Variants in CARS2 observed in about 807,000 individuals in gnomAD.
The protein encoded by CARS2 is probable cysteine--tRNA ligase, mitochondrial.
A neutral mutation model predicts 68.8 loss-of-function variants in CARS2; 52 were observed. The observed-to-expected ratio is 0.76, with a 90% CI of 0.61 to 0.95. The LOEUF (loss-of-function observed/expected upper bound fraction) is 0.95, where lower values mean the gene tolerates loss of function less well. Among genes scored for constraint, CARS2 ranks in the 40% least tolerant of loss-of-function variants. The probability of loss-of-function intolerance (pLI) is 0.00; values close to 1 mark genes in which losing one functional copy is unlikely to be tolerated. For synonymous variants in CARS2, 314 were observed against 303.6 expected (o/e 1.03, Z -0.36); for missense variants, 780 against 754.2 (o/e 1.03, Z -0.40).
intron 9 of CARS2, 133 bp downstream of exon 9, chr13:110,663,318 A>G: frequency 1.2e-6 from 1 of 833,844 alleles, no homozygotes. Context: ...GAGGTGAGGC[A>G]GGTCTCGTCA....
intron 7 of CARS2, among the ~76,000 whole-genome samples, chr13:110,672,146 GACAGA>G (rs2062819677): frequency 6.6e-6 from 1 of 152,144 alleles, no homozygotes; most frequent in Admixed American, 6.5e-5. Context: ...GTCAACATTA[GACAGA>G]TCAATGAGAC....
intron 6 of CARS2, among the ~76,000 whole-genome samples, chr13:110,679,650 C>CGGAGGGAGGGAGGGAGGGAG (rs571685789): frequency 4.6e-5 from 2 of 43,212 alleles, no homozygotes; most frequent in African/African-American, 9.7e-5. Flanking sequence ...CGGGCGTGAC[C>CGGAGGGAGGGAGGGAGGGAG]GGAGGGAGGG....
At chr13:110,704,107 T>C (rs996236868) in intron 2 of CARS2, among the ~76,000 whole-genome samples, 2 of 152,218 alleles carry the variant, frequency 1.3e-5, no homozygotes, top group Non-Finnish European at 2.9e-5. Flanking sequence ...AAATTTCTGT[T>C]GTTTATAAGT....
chr13:110,674,207 CTACTT>C (rs2062880111), intron 7 of CARS2, among the ~76,000 whole-genome samples: 1 of 152,142 alleles, frequency 6.6e-6, no homozygotes, highest in African/African-American at 2.4e-5. Flanking sequence ...TTGGAAAAAA[CTACTT>C]TAAAGTTCAT....
chr13:110,706,055 C>G lies in CARS2; in HGVS notation c.39G>C (p.Pro13=). The G allele has an allele frequency of 7.4e-7, 1 of 1,360,230 alleles. No homozygotes were observed. Among genetic ancestry groups the G allele is most frequent in the Non-Finnish European group, 9.5e-7 (1 of 1,058,120 alleles). 84.3% of individuals were successfully genotyped at this position (1,360,230 alleles called of 1,614,324 possible). A position where few individuals can be genotyped will look rare whatever the true frequency, so the allele number is the denominator to read the frequency against. The part of the protein sequence containing the change: ...RTTRGPGLGP[P]LLQAALGLGR... ...CAAGGCCCAGCGCGGCCTGGAGCAG[C>G]GGGGGGCCCAGGCCTGGGCCGCGCG... The change falls in exon 1 of 15, where the codon CCG becomes CCC. Residue 13 remains proline (P), a synonymous_variant. Transcript: ENST00000257347.
chr13:110,666,748 TTA>T (rs1276139033), intron 8 of CARS2: 13 of 985,422 alleles, frequency 1.3e-5, no homozygotes, highest in Non-Finnish European at 1.6e-5. Flanking sequence ...CAAACACTCT[TTA>T]TCTTTCTTCA....
intron 3 of CARS2, chr13:110,698,106 AGGAAGATGCAT>A (rs1322380740): frequency 2.6e-6 from 1 of 389,196 alleles, no homozygotes; most frequent in Admixed American, 3.5e-5. Context: ...ATTTCACAAA[AGGAAGATGCAT>A]GGGTGTGACG....
In CARS2 at chr13:110,642,332, G is replaced by T; in HGVS notation, c.1606C>A (p.His536Asn). 1 of 1,550,494 alleles carries T rather than the reference G, an allele frequency of 6.4e-7. No individual in the cohort carries two copies. The highest frequency in any genetic ancestry group is 8.7e-7 in the Non-Finnish European group (1 of 1,146,726). The change falls in exon 14 of 15, where the codon CAC becomes AAC. Residue 536 changes from histidine to asparagine, a missense_variant. Physicochemically the swap from His to Asn is moderately conservative, Grantham distance 68 (BLOSUM62 1). Transcript: ENST00000257347. ...GCACTCACCTTGATGTTGATGCCGT[G>T]GGCAGTCAGGCCCCGGCGCAGGGTG... is the stretch of plus-strand genomic sequence containing the variant. ...CDTLRRGLTA[H>N]GINIKDRSST...
upstream of CARS2, among the ~76,000 whole-genome samples, chr13:110,710,027 GT>G (rs1383788522): frequency 6.6e-6 from 1 of 152,146 alleles, no homozygotes; most frequent in African/African-American, 2.4e-5. Context: ...TGGTTTAGGG[GT>G]TTTCAAGTTT....
At chr13:110,644,230 A>G (rs1887788054) in intron 13 of CARS2, 155 bp downstream of exon 13, 3 of 1,422,544 alleles carry the variant, frequency 2.1e-6, no homozygotes, top group South Asian at 1.2e-5. Context: ...ATTGGCTCTG[A>G]GTGTGTTTAT....
intron 10 of CARS2, among the ~76,000 whole-genome samples, chr13:110,647,571 A>G (rs1334429055): frequency 6.6e-6 from 1 of 151,846 alleles, no homozygotes; most frequent in African/African-American, 2.4e-5. Flanking sequence ...CCCGCCCTGG[A>G]TGGATGGAGG....
Position 110,663,561 on chromosome 13 carries a change from G to A in CARS2, c.920-43C>T, listed in dbSNP as rs758456372. 3 of 1,606,562 alleles carry A rather than the reference G, an allele frequency of 1.9e-6. No individual in the cohort carries two copies. In the South Asian group the frequency reaches 3.3e-5, roughly 18 times the overall value. ...GCATTCAGTCTGAGCTGGGTGAGGA[G>A]ACTCTCTGGCCTCAGGGACACATGG... is the stretch of plus-strand genomic sequence containing the variant. On this transcript the variant is annotated intron_variant, in intron 8 of 14. Coordinates refer to ENST00000257347, the MANE Select transcript of CARS2 (RefSeq NM_024537.4).
chr13:110,649,894 C>T (rs2062153959), intron 10 of CARS2, among the ~76,000 whole-genome samples: 1 of 151,380 alleles, frequency 6.6e-6, no homozygotes, highest in Non-Finnish European at 1.5e-5. Context: ...TGTCCCCAGC[C>T]CTCACTTGCC....
chr13:110,698,424 G>T (rs2063686398), intron 3 of CARS2, among the ~76,000 whole-genome samples: 1 of 151,890 alleles, frequency 6.6e-6, no homozygotes, highest in African/African-American at 2.4e-5. Context: ...GGAGGCTGAG[G>T]CAGGAGAATC....
upstream of CARS2, among the ~76,000 whole-genome samples, chr13:110,709,413 G>A (rs1305000788): frequency 2.6e-5 from 4 of 152,066 alleles, no homozygotes; most frequent in Non-Finnish European, 5.9e-5. Context: ...GTTTTCTTAA[G>A]GCTTTTGCGG....
intron 3 of CARS2, among the ~76,000 whole-genome samples, chr13:110,693,596 T>C (rs1415524483): frequency 1.3e-5 from 2 of 152,136 alleles, no homozygotes; most frequent in African/African-American, 2.4e-5. Flanking sequence ...CCTGACCTCG[T>C]GATCCACCTG....
Position 110,705,952 on chromosome 13 carries a change from G to T in CARS2, c.142C>A (p.Arg48=). Residue 48 remains arginine (R), a synonymous_variant, in exon 1 of 15, where the codon CGG becomes AGG. Transcript: ENST00000257347. This position sits in a 1 kb window ranked among gnomAD's most constrained non-coding sequence, Gnocchi z 4.0. ...RGRAWLQPTG[R]ETGVQVYNSL... ...TTGTACACCTGCACACCCGTCTCCC[G>T]GCCCGTGGGCTGCAGCCAGGCCCGC... is the stretch of plus-strand genomic sequence containing the variant. The T allele has an allele frequency of 1.3e-6, 2 of 1,552,696 alleles. No homozygotes were observed. Among genetic ancestry groups the T allele is most frequent in the African/African-American group, 1.4e-5 (1 of 72,634 alleles).
chr13:110,702,133 TA>T (rs1448232439), intron 2 of CARS2, among the ~76,000 whole-genome samples: 1 of 152,204 alleles, frequency 6.6e-6, no homozygotes, highest in Admixed American at 6.5e-5. Flanking sequence ...TGTTTTCCCA[TA>T]AAAGTTACCT....
Position 110,667,388 on chromosome 13 carries a change from C to A in CARS2, c.871G>T (p.Glu291Ter). Residue 291 changes from glutamate to a stop codon, truncating the protein, a stop_gained, in exon 8 of 15, where the codon GAA (glutamate) becomes TAA (stop). Coordinates refer to ENST00000257347, the MANE Select transcript of CARS2 (RefSeq NM_024537.4). LOFTEE classifies it high-confidence loss of function. ...PHHENEIAQCEVFHQCEQWGN... is the reference protein window; with the variant it reads ...PHHENEIAQC ...CACTGCTCGCACTGATGAAAGACTT[C>A]GCACTGTGCAATTTCGTTTTCATGA... is the stretch of plus-strand genomic sequence containing the variant. The A allele has an allele frequency of 6.2e-7, 1 of 1,613,620 alleles. No homozygotes were observed. Among genetic ancestry groups the A allele is most frequent in the Non-Finnish European group, 8.5e-7 (1 of 1,179,588 alleles).
Sources: gnomAD v4.1 joint callset for allele counts (sites outside exome capture counted in the v4.1 genomes callset) on GRCh38, gnomAD v4.1.1 for gene constraint, Gnocchi (gnomAD v3.1) non-coding constraint, MANE v1.5 for transcripts, NCBI Gene and HGNC (gene_info 2026-07-23, HGNC 2026-07-21) for gene names.